Variants in FBXO28 observed in about 807,000 individuals in gnomAD.
FBXO28 encodes the protein F-box only protein 28.
A neutral mutation model predicts 38.1 loss-of-function variants in FBXO28; 8 were observed. That is an observed-to-expected ratio of 0.21 (90% CI 0.12 to 0.38). FBXO28 has a LOEUF of 0.38. Among genes scored for constraint, FBXO28 ranks in the 10% least tolerant of loss-of-function variants. The probability of loss-of-function intolerance (pLI) is 1.00; values close to 1 mark genes in which losing one functional copy is unlikely to be tolerated. For missense variants in FBXO28, 345 were observed against 460.6 expected, an observed-to-expected ratio of 0.75 and a Z score of 2.30; for synonymous variants, 168 against 173.8, an observed-to-expected ratio of 0.97 and a Z score of 0.26.
chr1:224,150,160 C>A (rs1483629569), intron 3 of FBXO28, among the ~76,000 whole-genome samples: 3 of 152,094 alleles, frequency 2.0e-5, no homozygotes, highest in African/African-American at 7.2e-5. Flanking sequence ...CCTGTCTCTA[C>A]TAAAAATACA....
At chr1:224,139,878 C>T (rs1319052168) in intron 3 of FBXO28, among the ~76,000 whole-genome samples, 2 of 151,924 alleles carry the variant, frequency 1.3e-5, no homozygotes, top group African/African-American at 2.4e-5. Flanking sequence ...GGCTTGAAGC[C>T]GCCAGGAGTT....
At chr1:224,130,307 A>T (rs1315760203) in intron 1 of FBXO28, among the ~76,000 whole-genome samples, 165 bp from the exon 2 acceptor site, 1 of 151,944 alleles carries the variant, frequency 6.6e-6, no homozygotes, top group Non-Finnish European at 1.5e-5. Context: ...GCACCACTGC[A>T]CTCCAGCCTG....
At chr1:224,142,087 C>T (rs2102626282) in intron 3 of FBXO28, among the ~76,000 whole-genome samples, 1 of 151,716 alleles carries the variant, frequency 6.6e-6, no homozygotes, top group East Asian at 1.9e-4. Flanking sequence ...CATGGTGGCT[C>T]ACGCCTGTAA....
intron 3 of FBXO28, among the ~76,000 whole-genome samples, chr1:224,136,567 CAA>C (rs112359233): frequency 5.0e-5 from 7 of 139,812 alleles, no homozygotes; most frequent in African/African-American, 1.9e-4. Flanking sequence ...ACTAAAAATA[CAA>C]AAAAAAAAAC....
intron 3 of FBXO28, among the ~76,000 whole-genome samples, chr1:224,139,752 A>ATGCATG (rs1553290690): frequency 9.1e-6 from 1 of 109,628 alleles, no homozygotes; most frequent in African/African-American, 2.9e-5. Context: ...ATAAATACAT[A>ATGCATG]CATGCATGCA....
intron 3 of FBXO28, among the ~76,000 whole-genome samples, chr1:224,137,239 T>A (rs1349142000): frequency 2.0e-5 from 3 of 151,648 alleles, no homozygotes; most frequent in African/African-American, 7.3e-5. Context: ...AAAGTAATAG[T>A]TGGGACTGGG....
At chr1:224,119,119 AT>A (rs1437959240) in intron 1 of FBXO28, among the ~76,000 whole-genome samples, 1 of 108,026 alleles carries the variant, frequency 9.3e-6, no homozygotes, top group Admixed American at 1.1e-4. Context: ...ACTCTTGCTG[AT>A]TTTTTCTTTT....
intron 3 of FBXO28, among the ~76,000 whole-genome samples, chr1:224,145,287 A>C (rs941744115): frequency 2.8e-5 from 2 of 71,632 alleles, no homozygotes; most frequent in African/African-American, 5.7e-5. Flanking sequence ...GAGCAAGACT[A>C]CATCTCAAAA....
intron 3 of FBXO28, among the ~76,000 whole-genome samples, chr1:224,146,916 C>T (rs1657522523): frequency 1.3e-5 from 2 of 150,748 alleles, no homozygotes; most frequent in East Asian, 4.0e-4. Flanking sequence ...CCATATTGGC[C>T]AGGCTGGTCT....
chr1:224,155,768 G>A (rs924294806), intron 4 of FBXO28, among the ~76,000 whole-genome samples: 2 of 152,146 alleles, frequency 1.3e-5, no homozygotes, highest in Non-Finnish European at 2.9e-5. Flanking sequence ...GTTATTTATT[G>A]AGTACCTATT....
chr1:224,154,027 G>A (rs543435830), intron 4 of FBXO28, among the ~76,000 whole-genome samples: 50 of 152,258 alleles, frequency 3.3e-4, no homozygotes, highest in African/African-American at 1.2e-3. Context: ...CAGCCCAGGA[G>A]TTCAAGGTGA....
chr1:224,148,608 G>A (rs1223612728), intron 3 of FBXO28, among the ~76,000 whole-genome samples: 1 of 151,762 alleles, frequency 6.6e-6, no homozygotes, highest in Non-Finnish European at 1.5e-5. Flanking sequence ...CTTGCAGTGA[G>A]CCAAGATCGC....
chr1:224,148,546 C>T (rs1034453073), intron 3 of FBXO28, among the ~76,000 whole-genome samples: 1 of 151,916 alleles, frequency 6.6e-6, no homozygotes, highest in South Asian at 2.1e-4. Context: ...CCTGTAGTCC[C>T]AGCTACTCGG....
At chr1:224,121,163 A>G (rs1656762246) in intron 1 of FBXO28, among the ~76,000 whole-genome samples, 1 of 152,200 alleles carries the variant, frequency 6.6e-6, no homozygotes. Flanking sequence ...ATAGTGCATC[A>G]GGGTTCCTTT....
At chr1:224,139,758 ATG>A (rs1558192742) in intron 3 of FBXO28, among the ~76,000 whole-genome samples, 55 of 42,304 alleles carry the variant, frequency 1.3e-3, no homozygotes, top group Middle Eastern at 0.018. Flanking sequence ...ACATACATGC[ATG>A]CATGCATACA....
At chr1:224,154,934 C>T (rs1290006375) in intron 4 of FBXO28, among the ~76,000 whole-genome samples, 3 of 148,252 alleles carry the variant, frequency 2.0e-5, no homozygotes, top group Admixed American at 1.3e-4. Flanking sequence ...GCCAAGATCA[C>T]GCCACTGCAC....
intron 1 of FBXO28, among the ~76,000 whole-genome samples, chr1:224,118,968 A>G (rs58006975): frequency 0.014 from 2,116 of 152,254 alleles, 55 homozygotes; most frequent in African/African-American, 0.048. Context: ...TGAGTGGAAA[A>G]GGCAAATAAC....
At chr1:224,127,200 G>T (rs1248733887) in intron 1 of FBXO28, among the ~76,000 whole-genome samples, 1 of 150,648 alleles carries the variant, frequency 6.6e-6, no homozygotes, top group African/African-American at 2.5e-5. Context: ...GTGTGTGTGT[G>T]TGTGTGTGTT....
chr1:224,130,439 G>T lies in FBXO28; in HGVS notation c.268-33G>T, dbSNP rs779323701. On this transcript the variant is annotated intron_variant, in intron 1 of 4. Coordinates refer to ENST00000366862, the MANE Select transcript of FBXO28 (RefSeq NM_015176.4). The stretch of plus-strand genomic sequence containing the variant: ...GTCTCAGTTGTCTCTTATTAATTTG[G>T]TTATTGATTTTTGTTCTTTTTTCTC... 14 of 1,302,090 alleles carry T rather than the reference G, an allele frequency of 1.1e-5. No individual in the cohort carries two copies. The South Asian group carries it at 1.6e-4, about 15-fold the overall frequency. The allele number at this position is 1,302,090 out of a possible 1,614,324, so 80.7% of individuals were successfully genotyped here. A position where few individuals can be genotyped will look rare whatever the true frequency, so the allele number is the denominator to read the frequency against.
Sources: allele counts gnomAD v4.1 joint callset (sites outside exome capture counted in the v4.1 genomes callset), GRCh38; gene constraint gnomAD v4.1.1; transcripts MANE v1.5; gene names NCBI Gene and HGNC (gene_info 2026-07-23, HGNC 2026-07-21).